OXR1: variants seen among roughly 807,000 people sequenced by gnomAD.
OXR1 encodes the protein oxidation resistance protein 1.
OXR1 carries 41 observed loss-of-function variants against 104.6 expected under a neutral mutation model. That is an observed-to-expected ratio of 0.39 (90% CI 0.31 to 0.51). The LOEUF (loss-of-function observed/expected upper bound fraction) is 0.51. Ranked by LOEUF, OXR1 falls within the 20% of genes least tolerant of loss-of-function variation. The probability of loss-of-function intolerance (pLI) is 0.77; values close to 1 mark genes in which losing one functional copy is unlikely to be tolerated. For synonymous variants in OXR1, 348 were observed against 348.4 expected, an observed-to-expected ratio of 1.00 and a Z score of 0.01; for missense variants, 955 against 1,031.9, an observed-to-expected ratio of 0.93 and a Z score of 1.02.
intron 2 of OXR1, among the ~76,000 whole-genome samples, chr8:106,378,875 A>G (rs112324294): frequency 0.025 from 3,816 of 152,210 alleles, 160 homozygotes; most frequent in African/African-American, 0.087. Context: ...CTTACTGTAT[A>G]TTTCAAATTC....
intron 1 of OXR1, among the ~76,000 whole-genome samples, chr8:106,348,982 T>C (rs531526631): frequency 4.6e-5 from 7 of 152,154 alleles, no homozygotes; most frequent in Non-Finnish European, 1.0e-4. Flanking sequence ...TACATTGTAA[T>C]ATGGATTGGA....
chr8:106,305,784 A>T (rs1467840393), intron 1 of OXR1, among the ~76,000 whole-genome samples: 1 of 152,044 alleles, frequency 6.6e-6, no homozygotes, highest in Non-Finnish European at 1.5e-5. Flanking sequence ...CTTCATTACC[A>T]TTATGTAACT....
intron 3 of OXR1, among the ~76,000 whole-genome samples, chr8:106,613,241 G>A (rs372795194): frequency 5.9e-5 from 9 of 152,122 alleles, no homozygotes; most frequent in East Asian, 5.8e-4. Flanking sequence ...CCAGTAACCC[G>A]AGTGCTTAGC....
chr8:106,414,720 C>G (rs538736982), intron 2 of OXR1, among the ~76,000 whole-genome samples: 1 of 151,916 alleles, frequency 6.6e-6, no homozygotes, highest in African/African-American at 2.4e-5. Context: ...TTGATAAACA[C>G]GAAGTAGTTT....
In OXR1 at chr8:106,575,146, G is replaced by A. The variant is rs949375187; in HGVS notation, c.220+56007G>A. 5.1e-4 allele frequency among the ~76,000 whole-genome samples: 78 copies of A among 152,174 alleles called. 1 individual carries two copies. Among genetic ancestry groups the A allele is most frequent in the African/African-American group, 1.8e-3 (73 of 41,536 alleles). On this transcript the variant is annotated intron_variant, in intron 3 of 16. Coordinates refer to ENST00000517566, the MANE Select transcript of OXR1 (RefSeq NM_001198533.2). ...AGAATTTTTTCAACATATTACTGAT[G>A]TTAGATGCTTAGAGTTTCCAGTCTT...
chr8:106,689,743 G>A (rs1829092174), intron 6 of OXR1, among the ~76,000 whole-genome samples: 1 of 151,830 alleles, frequency 6.6e-6, no homozygotes, highest in Admixed American at 6.6e-5. Context: ...GTAAAATATT[G>A]TGAAAACTTT....
chr8:106,579,457 G>A (rs73699593), intron 3 of OXR1, among the ~76,000 whole-genome samples: 3,694 of 152,240 alleles, frequency 0.024, 58 homozygotes, highest in African/African-American at 0.053. Context: ...GAAAGAATAG[G>A]CTGAACTGAG....
chr8:106,700,968 A>G (rs1284618715), intron 7 of OXR1, among the ~76,000 whole-genome samples: 1 of 152,064 alleles, frequency 6.6e-6, no homozygotes, highest in Non-Finnish European at 1.5e-5. Flanking sequence ...GAAACCTTTA[A>G]AGTTGTTTTT....
intron 3 of OXR1, among the ~76,000 whole-genome samples, chr8:106,622,453 GCA>G (rs34839524): frequency 0.039 from 5,366 of 136,128 alleles, 231 homozygotes; most frequent in African/African-American, 0.1. Flanking sequence ...ATCACCCCCA[GCA>G]CACACACACA....
chr8:106,298,077 ATGATT>A (rs1813076746), intron 1 of OXR1, among the ~76,000 whole-genome samples: 1 of 152,190 alleles, frequency 6.6e-6, no homozygotes, highest in Non-Finnish European at 1.5e-5. Flanking sequence ...TATAATAAGT[ATGATT>A]TGTTTCTCTG....
At chr8:106,472,423 G>A (rs1027341579) in intron 2 of OXR1, among the ~76,000 whole-genome samples, 9 of 151,612 alleles carry the variant, frequency 5.9e-5, no homozygotes, top group Non-Finnish European at 1.2e-4. Context: ...ATACTGTTAC[G>A]TGCTTCAGGA....
At chr8:106,492,762 C>G (rs1811177836) in intron 2 of OXR1, among the ~76,000 whole-genome samples, 1 of 152,224 alleles carries the variant, frequency 6.6e-6, no homozygotes, top group African/African-American at 2.4e-5. Flanking sequence ...GCCTCATACA[C>G]CTTAAACTCT....
At chr8:106,495,014 C>T (rs1811324527) in intron 2 of OXR1, among the ~76,000 whole-genome samples, 1 of 152,090 alleles carries the variant, frequency 6.6e-6, no homozygotes, top group African/African-American at 2.4e-5. Flanking sequence ...TAGGTACTCA[C>T]AGTAGGGTAG....
intron 1 of OXR1, among the ~76,000 whole-genome samples, chr8:106,311,641 G>A (rs1377034797): frequency 1.3e-5 from 2 of 152,068 alleles, no homozygotes; most frequent in Non-Finnish European, 2.9e-5. Flanking sequence ...GCTTAGGGTA[G>A]GGATTGGATC....
chr8:106,374,533 A>G (rs1309289723), intron 2 of OXR1, among the ~76,000 whole-genome samples: 2 of 152,186 alleles, frequency 1.3e-5, no homozygotes, highest in Non-Finnish European at 1.5e-5. Context: ...CAGAATTTGG[A>G]AAGTTAAATG....
At chr8:106,299,748 C>T (rs1157594518) in intron 1 of OXR1, among the ~76,000 whole-genome samples, 2 of 152,096 alleles carry the variant, frequency 1.3e-5, no homozygotes, top group East Asian at 1.9e-4. Context: ...GGCACCTTGC[C>T]GCATGCTTGA....
chr8:106,410,660 G>C (rs1285427863), intron 2 of OXR1, among the ~76,000 whole-genome samples: 1 of 152,082 alleles, frequency 6.6e-6, no homozygotes, highest in African/African-American at 2.4e-5. Flanking sequence ...GAAAACCTAA[G>C]ATGTAGCTAA....
At chr8:106,278,602 G>T (rs1812155311) in intron 1 of OXR1, among the ~76,000 whole-genome samples, 1 of 152,042 alleles carries the variant, frequency 6.6e-6, no homozygotes, top group South Asian at 2.1e-4. Flanking sequence ...GATAAAATGT[G>T]ATCTTACTTT....
chr8:106,660,822 AG>A (rs1312760757), intron 3 of OXR1, among the ~76,000 whole-genome samples: 2 of 151,992 alleles, frequency 1.3e-5, no homozygotes, highest in African/African-American at 4.8e-5. Context: ...AGACCAGCCT[AG>A]CCAACACGGT....
Sources: gnomAD v4.1 joint callset for allele counts (sites outside exome capture counted in the v4.1 genomes callset) on GRCh38, gnomAD v4.1.1 for gene constraint, MANE v1.5 for transcripts, NCBI Gene and HGNC (gene_info 2026-07-23, HGNC 2026-07-21) for gene names.